KMT2D: variants seen among roughly 807,000 people sequenced by gnomAD.
KMT2D encodes the protein lysine methyltransferase 2D.
KMT2D carries 55 observed loss-of-function variants against 512.7 expected under a neutral mutation model. That is an observed-to-expected ratio of 0.11 (90% CI 0.09 to 0.13). The LOEUF is 0.13. KMT2D is among the 10% of genes least tolerant of loss of function. The probability of loss-of-function intolerance (pLI) is 1.00; values close to 1 mark genes in which losing one functional copy is unlikely to be tolerated. For synonymous variants in KMT2D, 2,995 were observed against 2,904.0 expected, an observed-to-expected ratio of 1.03 and a Z score of -1.01; for missense variants, 6,061 against 7,127.9, an observed-to-expected ratio of 0.85 and a Z score of 5.39.
At position 49,051,505 on chromosome 12, in the gene KMT2D, C is replaced by T; in HGVS notation, c.2178G>A (p.Leu726=). The change falls in exon 11 of 55, where the codon TTG becomes TTA. Residue 726 remains leucine, a synonymous_variant. Coordinates refer to ENST00000301067, the MANE Select transcript of KMT2D (RefSeq NM_003482.4). Reference sequence around the variant, plus strand: ...AGAGTTGCGGCTCCTCAGGTAGTGGCAACAGGGGTGACTCCTCCAGCGGCA... The same window carrying T: ...AGAGTTGCGGCTCCTCAGGTAGTGGTAACAGGGGTGACTCCTCCAGCGGCA... ...MSLPLEESPL[L]PLPEEPQLCP... 1.9e-6 allele frequency: 3 copies of T among 1,613,452 alleles called. No homozygotes were observed. Among genetic ancestry groups the T allele is most frequent in the Non-Finnish European group, 2.5e-6 (3 of 1,179,668 alleles).
rs774358086 is a variant in KMT2D at position 49,040,391 on chromosome 12, C to A, written c.7379G>T (p.Arg2460Leu). 1 of 1,565,242 alleles carries A rather than the reference C, an allele frequency of 6.4e-7. No individual in the cohort carries two copies. The highest frequency in any genetic ancestry group is 8.7e-7 in the Non-Finnish European group (1 of 1,154,786). The change falls in exon 32 of 55, where the codon CGT (arginine) becomes CTT (leucine). Residue 2460 changes from arginine to leucine, a missense_variant. This residue lies in a region of KMT2D where 710 missense variants were observed against 647.3 expected (regional missense o/e 1.10). Coordinates refer to ENST00000301067, the MANE Select transcript of KMT2D (RefSeq NM_003482.4). ...CTTATGCAATGGGGCAAATGGGTCA[C>A]GGGACTGAGGGCGTGAGGGTGGGCG... is the stretch of plus-strand genomic sequence containing the variant. ...YSRPPSRPQS[R>L]DPFAPLHKPP...
Position 49,028,641 on chromosome 12 carries a change from C to A in KMT2D, c.14382+187G>T, listed in dbSNP as rs537216289. Among the ~76,000 whole-genome samples, 5 of 152,326 alleles carry A rather than the reference C, an allele frequency of 3.3e-5. No homozygotes were observed. In the South Asian group the frequency reaches 6.2e-4, roughly 19 times the overall value. On this transcript the variant is annotated intron_variant, in intron 46 of 54. Transcript: ENST00000301067. ...CTTGTCTGTCTTTACCATGGGACTA[C>A]GAGCCCCGTGAGGGCAGGAACCATG...
At chr12:49,045,613 C>T (rs1943748091) in intron 19 of KMT2D, among the ~76,000 whole-genome samples, 1 of 145,850 alleles carries the variant, frequency 6.9e-6, no homozygotes, top group South Asian at 2.1e-4. Context: ...CACTGCACTC[C>T]AGCCTGGGCA....
Position 49,039,910 on chromosome 12 carries a change from T to G in KMT2D, c.7860A>C (p.Ala2620=), listed in dbSNP as rs1592134032. ...LRPPSVLPPP[A]PDGSLPYLSH... ...ACAGGTAGGGGAGGGATCCGTCGGG[T>G]GCAGGTGGTGGCAGAACCGACGGAG... The change falls in exon 32 of 55, where the codon GCA becomes GCC. Residue 2620 remains alanine, a synonymous_variant. Coordinates refer to ENST00000301067, the MANE Select transcript of KMT2D (RefSeq NM_003482.4). This position sits in a 1 kb window ranked among gnomAD's most constrained non-coding sequence, Gnocchi z 5.0. The G allele has an allele frequency of 6.2e-7, 1 of 1,613,894 alleles. No homozygotes were observed. The highest frequency in any genetic ancestry group is 8.5e-7 in the Non-Finnish European group (1 of 1,179,856).
In KMT2D at chr12:49,033,823, G is replaced by C. The variant is rs773395827; in HGVS notation, c.10882C>G (p.Leu3628Val). 1.3e-6 allele frequency: 2 copies of C among 1,583,802 alleles called. No individual in the cohort carries two copies. Among genetic ancestry groups the C allele is most frequent in the East Asian group, 4.5e-5 (2 of 44,330 alleles). ...ALSPSQSPRL[L>V]TKLPGQLLPG... ...AGCAGCTGACCAGGGAGCTTGGTGAGCAGCCGGGGACTCTGGGAAGGGCTG... is the reference window on the plus strand; with the variant it reads ...AGCAGCTGACCAGGGAGCTTGGTGACCAGCCGGGGACTCTGGGAAGGGCTG... Residue 3628 changes from leucine to valine, a missense_variant, in exon 40 of 55, where the codon CTC (leucine) becomes GTC (valine). Leu to Val is a conservative substitution (Grantham distance 32). Coordinates refer to ENST00000301067, the MANE Select transcript of KMT2D (RefSeq NM_003482.4).
Position 49,032,294 on chromosome 12 carries a change from G to C in KMT2D, c.12411C>G (p.Pro4137=), listed in dbSNP as rs1942959418. The change falls in exon 40 of 55, where the codon CCC becomes CCG. Residue 4137 remains proline, a synonymous_variant. Transcript: ENST00000301067. ...ASSVPHLLAQ[P]SVSLGDQPGS... is the part of the protein sequence containing the mutation. The stretch of plus-strand genomic sequence containing the variant: ...CAGGCTGATCCCCTAAGGAAACAGA[G>C]GGCTGAGCCAGCAGGTGGGGCACAG... The C allele has an allele frequency of 6.2e-7, 1 of 1,613,936 alleles. No individual in the cohort carries two copies.
rs2120660314 is a variant in KMT2D at position 49,050,943 on chromosome 12, C to T, written c.2740G>A (p.Glu914Lys). 1.9e-6 allele frequency: 3 copies of T among 1,544,620 alleles called. No homozygotes were observed. The highest frequency in any genetic ancestry group is 2.3e-5 in the East Asian group (1 of 44,308). Residue 914 changes from glutamate (E) to lysine (K), a missense_variant, in exon 11 of 55, where the codon GAG becomes AAG. Physicochemically the swap from Glu to Lys is moderately conservative, Grantham distance 56. Transcript: ENST00000301067. ...GEPPLSPLPE[E>K]LPLSPSGEPS... ...TCCCCAGATGGGGACAACGGCAGCT[C>T]CTCGGGCAGAGGGGACAGAGGTGGT...
chr12:49,055,748 G>A (rs1370765292), intron 1 of KMT2D, among the ~76,000 whole-genome samples: 1 of 152,072 alleles, frequency 6.6e-6, no homozygotes, highest in Non-Finnish European at 1.5e-5. Flanking sequence ...CAAGTCTCAA[G>A]TAAGCTCCCA....
intron 1 of KMT2D, among the ~76,000 whole-genome samples, chr12:49,057,794 C>G (rs1806174328): frequency 1.3e-5 from 2 of 152,094 alleles, no homozygotes. Flanking sequence ...GGATTTTTTC[C>G]CTGGATCTAA....
rs752735386 is a variant in KMT2D at position 49,033,724 on chromosome 12, C to T, written c.10981G>A (p.Gly3661Ser). ...QAGGLRLTPG[G>S]MALPGQPGGP... is the part of the protein sequence containing the mutation. ...CCAGGCTGTCCAGGTAGTGCCATAC[C>T]CCCAGGGGTCAGGCGAAGACCTCCG... Residue 3661 changes from glycine to serine, a missense_variant, in exon 40 of 55, where the codon GGT becomes AGT. This residue lies in a region of KMT2D where 1,600 missense variants were observed against 1,754.9 expected (regional missense o/e 0.91). Coordinates refer to ENST00000301067, the MANE Select transcript of KMT2D (RefSeq NM_003482.4). 2.1e-5 allele frequency: 34 copies of T among 1,613,404 alleles called. No individual in the cohort carries two copies. The highest frequency in any genetic ancestry group is 2.8e-5 in the Non-Finnish European group (33 of 1,179,854).
In KMT2D at chr12:49,049,957, G is replaced by A. The variant is rs746435135; in HGVS notation, c.3631C>T (p.Leu1211=). Residue 1211 remains leucine, a synonymous_variant, in exon 12 of 55, where the codon CTG becomes TTG. Coordinates refer to ENST00000301067, the MANE Select transcript of KMT2D (RefSeq NM_003482.4). ...KSDIVNEISN[L]SQGDASASFP... is the part of the protein sequence containing the mutation. ...CTGGCACTGGCATCACCCTGGCTCA[G>A]ATTAGAGATCTCGTTAACGATGTCG... 1 of 1,614,008 alleles carries A rather than the reference G, an allele frequency of 6.2e-7. No homozygotes were observed. Among genetic ancestry groups the A allele is most frequent in the East Asian group, 2.2e-5 (1 of 44,892 alleles).
At position 49,037,352 on chromosome 12, in the gene KMT2D, G is replaced by GGTGGCTGGGTGGGCATCA; in HGVS notation, c.9986_10003dup (p.Leu3329_Pro3334dup). Reference sequence around the variant, plus strand: ...CAGGCGTTGCTGGAGGGCATGAGCTGGTGGCTGGGTGGGCATCAGTGGCTG... The same window carrying GGTGGCTGGGTGGGCATCA: ...CAGGCGTTGCTGGAGGGCATGAGCTGGTGGCTGGGTGGGCATCAGTGGCTGGGTGGGCATCAGTGGCTG... On this transcript the variant is annotated inframe_insertion, in exon 35 of 55. Coordinates refer to ENST00000301067, the MANE Select transcript of KMT2D (RefSeq NM_003482.4). 1.2e-6 allele frequency: 2 copies of GGTGGCTGGGTGGGCATCA among 1,611,420 alleles called. No homozygotes were observed. Among genetic ancestry groups the GGTGGCTGGGTGGGCATCA allele is most frequent in the Non-Finnish European group, 1.7e-6 (2 of 1,178,994 alleles).
intron 43 of KMT2D, 53 bp downstream of exon 43, chr12:49,030,227 T>C (rs1172044823): frequency 6.7e-7 from 1 of 1,492,946 alleles, no homozygotes; most frequent in Non-Finnish European, 9.2e-7. Flanking sequence ...TACTAACTGG[T>C]TTGGACTCCA....
Position 49,046,829 on chromosome 12 carries a change from G to GA in KMT2D, c.4237-40dup. The GA allele has an allele frequency of 1.4e-5, 22 of 1,565,154 alleles. No individual in the cohort carries two copies. Among genetic ancestry groups the GA allele is most frequent in the Non-Finnish European group, 1.8e-5 (21 of 1,149,118 alleles). On this transcript the variant is annotated intron_variant, in intron 15 of 54. Coordinates refer to ENST00000301067, the MANE Select transcript of KMT2D (RefSeq NM_003482.4). This position sits in a 1 kb window ranked among gnomAD's most constrained non-coding sequence, Gnocchi z 4.2. ...TGGGAACTTCTCAGGGTGTGAGGTG[G>GA]AAAAGAGGTAGAACTTCTTTTTATT...
chr12:49,032,797 G>C lies in KMT2D; in HGVS notation c.11908C>G (p.Gln3970Glu). Reference sequence around the variant, plus strand: ...AAAAGGCCCATCTGCTGCTGTTGCTGCTGCTGTTGAAACTGCTGCTGTTGT... The same window carrying C: ...AAAAGGCCCATCTGCTGCTGTTGCTCCTGCTGTTGAAACTGCTGCTGTTGT... ...QQQQQQFQQQ[Q>E]QQQQMGLLNQ... is the part of the protein sequence containing the mutation. The change falls in exon 40 of 55, where the codon CAG (glutamine) becomes GAG (glutamate). Residue 3970 changes from glutamine to glutamate, a missense_variant. Around this residue, in one of 16 missense-constraint regions of KMT2D, gnomAD observed 1,600 missense variants for 1,754.9 expected, o/e 0.91. Transcript: ENST00000301067. The C allele has an allele frequency of 6.4e-7, 1 of 1,552,986 alleles. No homozygotes were observed. The highest frequency in any genetic ancestry group is 8.7e-7 in the Non-Finnish European group (1 of 1,147,794).
chr12:49,053,946 T>TTGCCCTA (rs1271370667), intron 6 of KMT2D, 32 bp downstream of exon 6: 7 of 1,605,326 alleles, frequency 4.4e-6, no homozygotes, highest in Non-Finnish European at 6.0e-6. Flanking sequence ...GGTCTCTCAT[T>TTGCCCTA]TGCCCTATGA....
Position 49,054,611 on chromosome 12 carries a change from T to C in KMT2D, c.317A>G (p.Asn106Ser), listed in dbSNP as rs569737412. The C allele has an allele frequency of 3.1e-5, 50 of 1,613,338 alleles. 1 individual carries two copies. In the South Asian group the frequency reaches 4.0e-4, roughly 13 times the overall value. The change falls in exon 4 of 55, where the codon AAT becomes AGT. Residue 106 changes from asparagine (N) to serine (S), a missense_variant. By Grantham distance (46) the Asn-to-Ser change is conservative. Coordinates refer to ENST00000301067, the MANE Select transcript of KMT2D (RefSeq NM_003482.4). This position sits in a 1 kb window ranked among gnomAD's most constrained non-coding sequence, Gnocchi z 6.4. ...GTCCTCACTGGGCAGCACTGCCTCA[T>C]TGGGCCCTGGGCTCCCCCCAGGGGA... ...VVSPGGSPGP[N>S]EAVLPSEDLS...
At position 49,031,979 on chromosome 12, in the gene KMT2D, G is replaced by A. The variant is rs746014513; in HGVS notation, c.12726C>T (p.Pro4242=). 6 of 1,576,952 alleles carry A rather than the reference G, an allele frequency of 3.8e-6. No individual in the cohort carries two copies. The South Asian group carries it at 7.0e-5, about 18-fold the overall frequency. ...QQSQAVRQTP[P]YQEPGTQTSP... ...AGGTCTGGGTCCCAGGCTCCTGGTA[G>A]GGTGGGGTCTGGCGTACTGCCTGAC... The change falls in exon 40 of 55, where the codon CCC becomes CCT. Residue 4242 remains proline, a synonymous_variant. Coordinates refer to ENST00000301067, the MANE Select transcript of KMT2D (RefSeq NM_003482.4).
chr12:49,038,011 G>A lies in KMT2D; in HGVS notation c.9345C>T (p.Leu3115=), dbSNP rs1327659469. ...CCTCCACCTTGGGCTTCACCTCAGG[G>A]AGCACAGATGCCAGGCGGGGTTCAG... is the stretch of plus-strand genomic sequence containing the variant. ...DASEPRLASV[L]PEVKPKVEEG... Residue 3115 remains leucine (L), a synonymous_variant, in exon 35 of 55, where the codon CTC becomes CTT. Coordinates refer to ENST00000301067, the MANE Select transcript of KMT2D (RefSeq NM_003482.4). The surrounding 1 kb of genome is among the most constrained non-coding windows in gnomAD (Gnocchi z 5.7). 1.2e-6 allele frequency: 2 copies of A among 1,606,802 alleles called. No homozygotes were observed. The highest frequency in any genetic ancestry group is 1.7e-6 in the Non-Finnish European group (2 of 1,176,894).
Sources: allele counts gnomAD v4.1 joint callset (sites outside exome capture counted in the v4.1 genomes callset), GRCh38; gene constraint gnomAD v4.1.1; regional missense constraint gnomAD v4.1.1; non-coding constraint Gnocchi (gnomAD v3.1); transcripts MANE v1.5; gene names NCBI Gene and HGNC (gene_info 2026-07-23, HGNC 2026-07-21).